Variants in ERC2 observed in about 807,000 individuals in gnomAD.
ERC2 encodes ELKS/RAB6-interacting/CAST family member 2.
Under a neutral mutation model 114.8 loss-of-function variants are expected in ERC2, and 42 were observed. The observed-to-expected ratio is 0.37, with a 90% confidence interval of 0.29 to 0.47. The LOEUF (loss-of-function observed/expected upper bound fraction) is 0.47, where lower values mean the gene tolerates loss of function less well. Ranked by LOEUF, ERC2 falls within the 20% of genes least tolerant of loss-of-function variation. The probability of loss-of-function intolerance (pLI) is 0.99; values close to 1 mark genes in which losing one functional copy is unlikely to be tolerated. For missense variants in ERC2, 939 were observed against 1,150.7 expected, an observed-to-expected ratio of 0.82 and a Z score of 2.66; for synonymous variants, 454 against 425.5, an observed-to-expected ratio of 1.07 and a Z score of -0.82.
At chr3:56,090,777 C>T (rs1486670633) in intron 6 of ERC2, among the ~76,000 whole-genome samples, 1 of 132,498 alleles carries the variant, frequency 7.5e-6, no homozygotes, top group Non-Finnish European at 1.6e-5. Flanking sequence ...TTTTTCAATG[C>T]TCCCTGGCTC....
chr3:55,916,038 T>A (rs967385240), intron 13 of ERC2, among the ~76,000 whole-genome samples: 3 of 152,190 alleles, frequency 2.0e-5, no homozygotes, highest in Non-Finnish European at 4.4e-5. Flanking sequence ...GAGCTGCTGA[T>A]GCAAAGTCCT....
At chr3:56,068,010 T>C (rs1456717521) in intron 7 of ERC2, among the ~76,000 whole-genome samples, 1 of 152,182 alleles carries the variant, frequency 6.6e-6, no homozygotes, top group African/African-American at 2.4e-5. Context: ...TTGTTGTTGT[T>C]GTGTCTCTGC....
chr3:55,974,336 C>T (rs978931230), intron 12 of ERC2, among the ~76,000 whole-genome samples: 4 of 152,182 alleles, frequency 2.6e-5, no homozygotes, highest in Admixed American at 6.5e-5. Context: ...AGCACTCCCA[C>T]TTGTATCAGA....
intron 17 of ERC2, among the ~76,000 whole-genome samples, chr3:55,652,048 C>T (rs1474830554): frequency 2.6e-5 from 4 of 152,190 alleles, no homozygotes; most frequent in African/African-American, 4.8e-5. Flanking sequence ...CAATGAGGAG[C>T]GGGATAAGCC....
intron 7 of ERC2, among the ~76,000 whole-genome samples, chr3:56,047,140 C>G (rs2075514279): frequency 6.6e-6 from 1 of 152,166 alleles, no homozygotes; most frequent in Non-Finnish European, 1.5e-5. Flanking sequence ...CTGCTTTTGT[C>G]TATGCATTTT....
rs577690277 is a variant in ERC2 at position 55,521,161 on chromosome 3, C to T, written c.*40-9885G>A. The stretch of plus-strand genomic sequence containing the variant: ...TGGGCTGGTGACTAATTAGGGGTCT[C>T]GTTTGAAGATCAAGGTTTTGCGATT... On this transcript the variant is annotated intron_variant, in intron 17 of 17. Coordinates refer to ENST00000288221, the MANE Select transcript of ERC2 (RefSeq NM_015576.3). Among the ~76,000 whole-genome samples, 16 of 152,310 alleles carry T rather than the reference C, an allele frequency of 1.1e-4. 1 individual carries two copies. The South Asian group carries it at 2.9e-3, about 28-fold the overall frequency.
chr3:56,313,001 C>CATATATATATATATATATATAT lies in ERC2; in HGVS notation c.658-16588_658-16567dup, dbSNP rs3055903. Among the ~76,000 whole-genome samples, 17 of 43,884 alleles carry CATATATATATATATATATATAT rather than the reference C, an allele frequency of 3.9e-4. 3 individuals carry two copies. The highest frequency in any genetic ancestry group is 7.0e-4 in the East Asian group (1 of 1,422). 28.8% of individuals were successfully genotyped at this position (43,884 alleles called of 152,430 possible). A position where few individuals can be genotyped will look rare whatever the true frequency, so the allele number is the denominator to read the frequency against. ...TTAATATTTAGTGAATATGTATATT[C>CATATATATATATATATATATAT]ATATATATATATATATATATATATA... On this transcript the variant is annotated intron_variant, in intron 2 of 17. Transcript: ENST00000288221.
chr3:55,902,751 G>C (rs2064205878), intron 13 of ERC2, among the ~76,000 whole-genome samples: 1 of 152,192 alleles, frequency 6.6e-6, no homozygotes, highest in African/African-American at 2.4e-5. Context: ...ACTAATGAGA[G>C]TGGGGTTTTG....
chr3:56,327,411 G>T (rs1453316094), intron 2 of ERC2, among the ~76,000 whole-genome samples: 1 of 152,128 alleles, frequency 6.6e-6, no homozygotes, highest in Non-Finnish European at 1.5e-5. Context: ...ACCTCCATCT[G>T]GTCTCTCCCT....
chr3:55,643,645 C>T (rs2148660550), intron 17 of ERC2, among the ~76,000 whole-genome samples: 1 of 152,278 alleles, frequency 6.6e-6, no homozygotes, highest in African/African-American at 2.4e-5. Flanking sequence ...GCACATAAAA[C>T]ATTCAATAGA....
At chr3:55,895,625 G>A (rs1193174928) in intron 13 of ERC2, among the ~76,000 whole-genome samples, 1 of 152,052 alleles carries the variant, frequency 6.6e-6, no homozygotes, top group Non-Finnish European at 1.5e-5. Context: ...ATCCCTGGAG[G>A]GCAGAGACTG....
chr3:55,733,072 G>A (rs1489946740), intron 15 of ERC2, among the ~76,000 whole-genome samples: 3 of 152,150 alleles, frequency 2.0e-5, no homozygotes, highest in Admixed American at 6.5e-5. Flanking sequence ...CACCACAAGT[G>A]CATGGTATAT....
intron 17 of ERC2, among the ~76,000 whole-genome samples, chr3:55,601,380 G>A (rs575192649): frequency 2.0e-4 from 31 of 152,138 alleles, no homozygotes; most frequent in Non-Finnish European, 3.5e-4. Flanking sequence ...TCAGAAACAG[G>A]TCAGGCCTTT....
At chr3:55,761,505 C>T (rs1019435334) in intron 14 of ERC2, among the ~76,000 whole-genome samples, 36 of 151,974 alleles carry the variant, frequency 2.4e-4, no homozygotes, top group Admixed American at 5.2e-4. Context: ...TACTTGACTC[C>T]GCTGTTGTAG....
chr3:56,365,428 T>A (rs1277958245), intron 2 of ERC2, among the ~76,000 whole-genome samples: 1 of 152,194 alleles, frequency 6.6e-6, no homozygotes, highest in Non-Finnish European at 1.5e-5. Flanking sequence ...TAGGTTTGTG[T>A]AAGTACACTC....
intron 17 of ERC2, among the ~76,000 whole-genome samples, chr3:55,545,310 G>T (rs1386006642): frequency 6.6e-6 from 1 of 152,150 alleles, no homozygotes; most frequent in Non-Finnish European, 1.5e-5. Flanking sequence ...CTTCTAAGAC[G>T]CAAATCCAAT....
rs145040471 is a variant in ERC2, at chr3:56,283,512, G to C, written c.1074+12507C>G. Among the ~76,000 whole-genome samples, 964 of 152,276 alleles carry C rather than the reference G, an allele frequency of 6.3e-3. 5 individuals carry two copies. The highest frequency in any genetic ancestry group is 8.7e-3 in the Non-Finnish European group (589 of 68,018). On this transcript the variant is annotated intron_variant, in intron 3 of 17. Transcript: ENST00000288221. ...ATTTCTACTGTCTAAGGCACAATCA[G>C]AGTTTGCCTCTTCTTTGCTGTGTGG... is the stretch of plus-strand genomic sequence containing the variant.
At chr3:55,692,285 G>T (rs2062707884) in intron 16 of ERC2, among the ~76,000 whole-genome samples, 2 of 152,314 alleles carry the variant, frequency 1.3e-5, no homozygotes, top group South Asian at 2.1e-4. Flanking sequence ...AGGAGGGGCT[G>T]CTGTGACTGC....
chr3:56,440,345 C>A (rs942176324), intron 1 of ERC2, among the ~76,000 whole-genome samples: 1 of 152,074 alleles, frequency 6.6e-6, no homozygotes, highest in Non-Finnish European at 1.5e-5. Context: ...AGATCGAGAC[C>A]ATCCTGGCTA....
Sources: allele counts gnomAD v4.1 joint callset (sites outside exome capture counted in the v4.1 genomes callset), GRCh38; gene constraint gnomAD v4.1.1; transcripts MANE v1.5; gene names NCBI Gene and HGNC (gene_info 2026-07-23, HGNC 2026-07-21).